MYO9A: variants seen among roughly 807,000 people sequenced by gnomAD.
The protein encoded by MYO9A is unconventional myosin-IXa.
Under a neutral mutation model 293.3 loss-of-function variants are expected in MYO9A, and 103 were observed. The observed-to-expected ratio is 0.35, with a 90% CI of 0.30 to 0.41. MYO9A has a LOEUF of 0.41. Ranked by LOEUF, MYO9A falls within the 10% of genes least tolerant of loss-of-function variation. The probability of loss-of-function intolerance (pLI) is 1.00; values close to 1 mark genes in which losing one functional copy is unlikely to be tolerated. For synonymous variants in MYO9A, 1,001 were observed against 1,035.7 expected, an observed-to-expected ratio of 0.97 and a Z score of 0.64; for missense variants, 2,685 against 3,033.0, an observed-to-expected ratio of 0.89 and a Z score of 2.69.
At chr15:72,029,544 T>C (rs939683533) in intron 3 of MYO9A, among the ~76,000 whole-genome samples, 1 of 152,184 alleles carries the variant, frequency 6.6e-6, no homozygotes, top group African/African-American at 2.4e-5. Flanking sequence ...ACTACCATAG[T>C]ATATGAGGTC....
chr15:72,102,433 T>C (rs1368217327), intron 1 of MYO9A, among the ~76,000 whole-genome samples: 1 of 147,640 alleles, frequency 6.8e-6, no homozygotes, highest in African/African-American at 2.5e-5. Context: ...ACTATTGTCC[T>C]ATGACCCTGC....
intron 27 of MYO9A, among the ~76,000 whole-genome samples, chr15:71,884,275 C>A (rs932106635): frequency 6.6e-5 from 10 of 152,136 alleles, no homozygotes; most frequent in Non-Finnish European, 1.5e-4. Context: ...TATCATGATG[C>A]ACATAGCATT....
intron 8 of MYO9A, among the ~76,000 whole-genome samples, chr15:72,004,133 C>T (rs1445633307): frequency 6.6e-6 from 1 of 152,152 alleles, no homozygotes; most frequent in African/African-American, 2.4e-5. Flanking sequence ...CTATAATTTT[C>T]TAAAAATTCT....
At chr15:71,879,241 C>A (rs1444878261) in intron 30 of MYO9A, among the ~76,000 whole-genome samples, 1 of 152,032 alleles carries the variant, frequency 6.6e-6, no homozygotes, top group Non-Finnish European at 1.5e-5. Context: ...TAAAACATGA[C>A]CAGTATCATG....
intron 1 of MYO9A, among the ~76,000 whole-genome samples, chr15:72,050,147 GTTTT>G (rs1270497948): frequency 6.6e-6 from 1 of 150,550 alleles, no homozygotes; most frequent in Non-Finnish European, 1.5e-5. Flanking sequence ...TGCTTTGTGG[GTTTT>G]TTTGTTTTGT....
At chr15:72,037,622 T>C (rs1465000066) in intron 2 of MYO9A, among the ~76,000 whole-genome samples, 1 of 152,040 alleles carries the variant, frequency 6.6e-6, no homozygotes, top group East Asian at 1.9e-4. Context: ...TATAACTGAG[T>C]ACAGTTTTTG....
rs1172759885 is a variant in MYO9A at position 71,928,056 on chromosome 15, A to ATT, written c.2562+5612_2562+5613dup. On this transcript the variant is annotated intron_variant, in intron 18 of 41. Transcript: ENST00000356056. The stretch of plus-strand genomic sequence containing the variant: ...TATATATATATATATATATATATAT[A>ATT]TTTTTTTTTTTTTTTTTTTTTTTTT... Among the ~76,000 whole-genome samples, 34 of 6,044 alleles carry ATT rather than the reference A, an allele frequency of 5.6e-3. 7 individuals are homozygous for ATT. Among genetic ancestry groups the ATT allele is most frequent in the Admixed American group, 0.01 (4 of 390 alleles). 4.0% of individuals were successfully genotyped at this position (6,044 alleles called of 152,430 possible). A position where few individuals can be genotyped will look rare whatever the true frequency, so the allele number is the denominator to read the frequency against.
intron 6 of MYO9A, 63 bp downstream of exon 6, chr15:72,018,976 T>C: frequency 7.8e-7 from 1 of 1,281,784 alleles, no homozygotes; most frequent in South Asian, 1.2e-5. Context: ...TTCAGATGGA[T>C]GCAAATGCGC....
intron 3 of MYO9A, among the ~76,000 whole-genome samples, chr15:72,029,841 A>G (rs1049517835): frequency 1.3e-5 from 2 of 152,202 alleles, no homozygotes; most frequent in African/African-American, 4.8e-5. Flanking sequence ...AAAGCTTTAG[A>G]TTACTGAATC....
chr15:71,944,457 C>T (rs542501760), intron 15 of MYO9A, among the ~76,000 whole-genome samples: 84 of 152,198 alleles, frequency 5.5e-4, no homozygotes, highest in African/African-American at 1.9e-3. Context: ...AGGTTTTCTT[C>T]TATTTTAAGA....
intron 34 of MYO9A, among the ~76,000 whole-genome samples, chr15:71,855,522 T>G (rs1277684718): frequency 6.6e-6 from 1 of 152,224 alleles, no homozygotes; most frequent in African/African-American, 2.4e-5. Context: ...TTTGAAGTAA[T>G]TCACTGAAAA....
intron 1 of MYO9A, among the ~76,000 whole-genome samples, chr15:72,072,106 T>C (rs1240213249): frequency 4.7e-5 from 7 of 149,406 alleles, no homozygotes. Context: ...ATAATATACA[T>C]AAAAGAGAAA....
intron 5 of MYO9A, among the ~76,000 whole-genome samples, chr15:72,019,826 T>C (rs1596393570): frequency 6.6e-6 from 1 of 152,204 alleles, no homozygotes; most frequent in East Asian, 1.9e-4. Context: ...CTTGGCTCAC[T>C]GCAACCTCTG....
intron 1 of MYO9A, among the ~76,000 whole-genome samples, chr15:72,114,778 TAAGTC>T (rs2080907430): frequency 6.6e-6 from 1 of 152,224 alleles, no homozygotes; most frequent in Non-Finnish European, 1.5e-5. Context: ...ATCAATACAT[TAAGTC>T]AATATTGTGG....
chr15:71,900,258 C>A (rs1294124008), intron 23 of MYO9A, among the ~76,000 whole-genome samples: 1 of 151,916 alleles, frequency 6.6e-6, no homozygotes. Context: ...CATGGTGAAA[C>A]CCCGTCTCTA....
intron 33 of MYO9A, among the ~76,000 whole-genome samples, chr15:71,862,169 T>G (rs1468276113): frequency 6.6e-6 from 1 of 151,898 alleles, no homozygotes; most frequent in Non-Finnish European, 1.5e-5. Context: ...GGGGACAAGG[T>G]GGCATTTAAA....
chr15:71,840,643 T>C (rs1198659642), intron 39 of MYO9A, among the ~76,000 whole-genome samples: 1 of 152,164 alleles, frequency 6.6e-6, no homozygotes, highest in Non-Finnish European at 1.5e-5. Context: ...TTTTTTGTTT[T>C]TTTTGAGACG....
At chr15:72,075,895 C>T (rs2079335317) in intron 1 of MYO9A, among the ~76,000 whole-genome samples, 1 of 152,114 alleles carries the variant, frequency 6.6e-6, no homozygotes, top group Non-Finnish European at 1.5e-5. Context: ...ATATTGTGAA[C>T]AAGACAGCTA....
chr15:72,052,346 T>A (rs143345703), intron 1 of MYO9A, among the ~76,000 whole-genome samples: 1 of 152,160 alleles, frequency 6.6e-6, no homozygotes, highest in African/African-American at 2.4e-5. Flanking sequence ...CCACTGCGAG[T>A]CTCCTCTGAG....
Sources: allele counts gnomAD v4.1 joint callset (sites outside exome capture counted in the v4.1 genomes callset), GRCh38; gene constraint gnomAD v4.1.1; transcripts MANE v1.5; gene names NCBI Gene and HGNC (gene_info 2026-07-23, HGNC 2026-07-21).